Variants in HMGA2 observed in about 807,000 individuals in gnomAD.
The protein encoded by HMGA2 is high mobility group AT-hook 2.
HMGA2 carries 8 observed loss-of-function variants against 19.1 expected under a neutral mutation model. That is an observed-to-expected ratio of 0.42 (90% CI 0.25 to 0.76). The LOEUF (loss-of-function observed/expected upper bound fraction) is 0.76, where lower values mean the gene tolerates loss of function less well. Ranked by LOEUF, HMGA2 falls within the 30% of genes least tolerant of loss-of-function variation. HMGA2 has a pLI of 0.28. For missense variants in HMGA2, 109 were observed against 136.3 expected, an observed-to-expected ratio of 0.80 and a Z score of 1.00; for synonymous variants, 60 against 48.8, an observed-to-expected ratio of 1.23 and a Z score of -0.96.
chr12:65,834,333 T>C (rs1025111185), intron 2 of HMGA2, among the ~76,000 whole-genome samples: 25 of 152,152 alleles, frequency 1.6e-4, no homozygotes, highest in African/African-American at 6.0e-4. Context: ...AGACTTCTGG[T>C]TCCCAAATAA....
chr12:65,960,308 C>G (rs1876717446), intron 4 of HMGA2, among the ~76,000 whole-genome samples: 1 of 152,236 alleles, frequency 6.6e-6, no homozygotes, highest in Admixed American at 6.5e-5. Flanking sequence ...CTCCATGTCA[C>G]CTGTTTCTGT....
chr12:65,924,901 C>T (rs963347312), intron 3 of HMGA2, among the ~76,000 whole-genome samples: 1 of 152,196 alleles, frequency 6.6e-6, no homozygotes, highest in Non-Finnish European at 1.5e-5. Context: ...TTCCATCCCT[C>T]TTCTGCCGTT....
At position 65,914,967 on chromosome 12, in the gene HMGA2, G is replaced by A. The variant is rs549096579; in HGVS notation, c.250-36416G>A. ...TGGGAATACAGGCGTGAGCCATCGT[G>A]CCTGGTCTAAAAAATGTCTATTAGT... On this transcript the variant is annotated intron_variant, in intron 3 of 4. Transcript: ENST00000403681. The A allele has an allele frequency of 1.1e-3, 1,720 of 1,558,242 alleles. 5 individuals carry two copies. The highest frequency in any genetic ancestry group is 1.3e-3 in the Non-Finnish European group (1,526 of 1,135,700).
At chr12:65,845,943 C>G (rs559567779) in intron 3 of HMGA2, among the ~76,000 whole-genome samples, 3 of 152,208 alleles carry the variant, frequency 2.0e-5, no homozygotes, top group South Asian at 2.1e-4. Flanking sequence ...CTCTCCTCCC[C>G]CCTGCTGCCT....
chr12:65,861,808 A>G (rs1011216758), intron 3 of HMGA2, among the ~76,000 whole-genome samples: 7 of 146,512 alleles, frequency 4.8e-5, no homozygotes, highest in African/African-American at 1.8e-4. Context: ...ATAACAACAT[A>G]TTTTTGAAAA....
chr12:65,914,908 C>G, intron 3 of HMGA2: 1 of 964,724 alleles, frequency 1.0e-6, no homozygotes, highest in Non-Finnish European at 1.6e-6. Context: ...CTCCTGACCT[C>G]AGGTGAGCCA....
At chr12:65,841,257 G>C (rs1370086429) in intron 3 of HMGA2, among the ~76,000 whole-genome samples, 1 of 152,134 alleles carries the variant, frequency 6.6e-6, no homozygotes, top group Non-Finnish European at 1.5e-5. Flanking sequence ...CCCCACCACA[G>C]AAATCCTTGC....
At chr12:65,885,780 T>G (rs1300712105) in intron 3 of HMGA2, among the ~76,000 whole-genome samples, 1 of 152,214 alleles carries the variant, frequency 6.6e-6, no homozygotes, top group Non-Finnish European at 1.5e-5. Context: ...GAAAAGATTT[T>G]TATAACCAAT....
At position 65,962,005 on chromosome 12, in the gene HMGA2, G is replaced by C. The variant is rs571836768; in HGVS notation, c.283-1240G>C. ...AAGGAAGAGAGGTATAAATTGTGTCGGTTAGCCACCCAGACAAAATGAAGC... is the reference window on the plus strand; with the variant it reads ...AAGGAAGAGAGGTATAAATTGTGTCCGTTAGCCACCCAGACAAAATGAAGC... On this transcript the variant is annotated intron_variant, in intron 4 of 4. Coordinates refer to ENST00000403681, the MANE Select transcript of HMGA2 (RefSeq NM_003483.6). 2.0e-5 allele frequency among the ~76,000 whole-genome samples: 3 copies of C among 152,208 alleles called. No individual in the cohort carries two copies. The South Asian group carries it at 6.2e-4, about 32-fold the overall frequency.
At chr12:65,841,696 C>T (rs1871004457) in intron 3 of HMGA2, among the ~76,000 whole-genome samples, 1 of 152,134 alleles carries the variant, frequency 6.6e-6, no homozygotes, top group African/African-American at 2.4e-5. Context: ...GGTTAGAAGC[C>T]AAATTGTTCC....
At chr12:65,940,479 G>C (rs1368799482) in intron 3 of HMGA2, among the ~76,000 whole-genome samples, 1 of 152,072 alleles carries the variant, frequency 6.6e-6, no homozygotes, top group Non-Finnish European at 1.5e-5. Context: ...TTAAAATGCA[G>C]TTTTTCTCCT....
intron 3 of HMGA2, among the ~76,000 whole-genome samples, chr12:65,899,403 A>G (rs1217541746): frequency 6.6e-6 from 1 of 152,202 alleles, no homozygotes; most frequent in Non-Finnish European, 1.5e-5. Flanking sequence ...TATTCACTCC[A>G]TTACTTCACT....
At position 65,825,533 on chromosome 12, in the gene HMGA2, C is replaced by A; in HGVS notation, c.111+152C>A. 2 of 272,822 alleles carry A rather than the reference C, an allele frequency of 7.3e-6. No homozygotes were observed. The highest frequency in any genetic ancestry group is 1.4e-3 in the Middle Eastern group (1 of 740). The allele number at this position is 272,822 out of a possible 1,614,324, so 16.9% of individuals were successfully genotyped here. On this transcript the variant is annotated intron_variant, in intron 1 of 4. Coordinates refer to ENST00000403681, the MANE Select transcript of HMGA2 (RefSeq NM_003483.6). The surrounding 1 kb of genome is among the most constrained non-coding windows in gnomAD (Gnocchi z 4.4). ...GCCGGGGGGAGCGGCGCAGACCCCA[C>A]GAGTGCGCCGCGCGGCCCCGGGGCG... is the stretch of plus-strand genomic sequence containing the variant.
intron 3 of HMGA2, among the ~76,000 whole-genome samples, chr12:65,902,059 T>C (rs1874393923): frequency 6.6e-6 from 1 of 152,202 alleles, no homozygotes; most frequent in African/African-American, 2.4e-5. Context: ...AACGACTATG[T>C]AGCAAACTTT....
At chr12:65,880,420 T>A (rs923768490) in intron 3 of HMGA2, among the ~76,000 whole-genome samples, 1 of 152,218 alleles carries the variant, frequency 6.6e-6, no homozygotes, top group Non-Finnish European at 1.5e-5. Flanking sequence ...ATTTAAAGAT[T>A]AAAATAAAAA....
At chr12:65,840,740 A>G (rs1349356081) in intron 3 of HMGA2, among the ~76,000 whole-genome samples, 1 of 152,198 alleles carries the variant, frequency 6.6e-6, no homozygotes, top group Non-Finnish European at 1.5e-5. Flanking sequence ...AATAAGAAAG[A>G]CGTGTATAAT....
chr12:65,945,472 A>C (rs1267837421), intron 3 of HMGA2, among the ~76,000 whole-genome samples: 1 of 152,160 alleles, frequency 6.6e-6, no homozygotes, highest in African/African-American at 2.4e-5. Context: ...AGCACTGTGA[A>C]ATTTCTGAGG....
At chr12:65,882,219 G>A in intron 3 of HMGA2, 1 of 327,550 alleles carries the variant, frequency 3.1e-6, no homozygotes. Flanking sequence ...GGAGGCTCCT[G>A]CCAGTTGGCC....
At chr12:65,834,411 G>T (rs1870614624) in intron 2 of HMGA2, among the ~76,000 whole-genome samples, 2 of 152,190 alleles carry the variant, frequency 1.3e-5, no homozygotes, top group African/African-American at 4.8e-5. Flanking sequence ...AAATGAGAGG[G>T]CTAGGTGAAA....
Sources: allele counts gnomAD v4.1 joint callset (sites outside exome capture counted in the v4.1 genomes callset), GRCh38; gene constraint gnomAD v4.1.1; non-coding constraint Gnocchi (gnomAD v3.1); transcripts MANE v1.5; gene names NCBI Gene and HGNC (gene_info 2026-07-23, HGNC 2026-07-21).